Variants in SYPL1 observed in about 807,000 individuals in gnomAD.
SYPL1 encodes synaptophysin-like protein 1.
SYPL1 carries 6 observed loss-of-function variants against 23.7 expected under a neutral mutation model. The ratio of observed to expected loss-of-function variants is 0.25; its 90% CI spans 0.14 to 0.50. SYPL1 has a LOEUF of 0.50. Ranked by LOEUF, SYPL1 falls within the 20% of genes least tolerant of loss-of-function variation. The pLI is 0.98. For synonymous variants in SYPL1, 102 were observed against 104.5 expected (o/e 0.98, Z 0.15); for missense variants, 253 against 288.9 (o/e 0.88, Z 0.90).
At chr7:106,108,189 T>G (rs1045303061) in intron 1 of SYPL1, among the ~76,000 whole-genome samples, 2 of 152,046 alleles carry the variant, frequency 1.3e-5, no homozygotes, top group African/African-American at 2.4e-5. Context: ...GAGACTATAT[T>G]TTTAAAAATT....
chr7:106,093,340 A>G (rs145458914), intron 3 of SYPL1: 1 of 482,718 alleles, frequency 2.1e-6, no homozygotes, highest in African/African-American at 2.0e-5. Context: ...ACAACAGTAA[A>G]TAAGACTCAG....
At chr7:106,107,837 T>C (rs756449263) in intron 1 of SYPL1, among the ~76,000 whole-genome samples, 127 of 152,224 alleles carry the variant, frequency 8.3e-4, no homozygotes, top group South Asian at 2.7e-3. Flanking sequence ...CTCCTAATCA[T>C]TGTATGTTGA....
chr7:106,107,763 T>A (rs1275576947), intron 1 of SYPL1, among the ~76,000 whole-genome samples: 4 of 129,762 alleles, frequency 3.1e-5, no homozygotes, highest in Admixed American at 1.5e-4. Flanking sequence ...AAAAAAAAAA[T>A]TGGATTATGA....
chr7:106,092,672 C>CAAAAAA (rs549863505), intron 4 of SYPL1: 34 of 271,610 alleles, frequency 1.3e-4, no homozygotes, highest in Middle Eastern at 9.3e-4. Flanking sequence ...AACTCCATCT[C>CAAAAAA]AAAAAAAAAA....
chr7:106,090,906 T>G lies in SYPL1; in HGVS notation c.*899A>C, dbSNP rs1262998501. 6.6e-6 allele frequency: 1 copy of G among 152,192 alleles called. No homozygotes were observed. Among genetic ancestry groups the G allele is most frequent in the African/African-American group, 2.4e-5 (1 of 41,446 alleles). The allele number at this position is 152,192 out of a possible 1,614,324, so 9.4% of individuals were successfully genotyped here. ...AACTTCATTGACTCTCAATGGTAAA[T>G]TTCAAACATGGAAAGCAATCTTAAT... On this transcript the variant is annotated 3_prime_UTR_variant, in exon 5 of 5. Coordinates refer to ENST00000455385, the MANE Select transcript of SYPL1 (RefSeq NM_182715.4).
Position 106,100,697 on chromosome 7 carries a change from C to T in SYPL1, c.70-1415G>A, listed in dbSNP as rs1004947574. On this transcript the variant is annotated intron_variant, in intron 1 of 4. Transcript: ENST00000455385. This position sits in a 1 kb window ranked among gnomAD's most constrained non-coding sequence, Gnocchi z 5.1. ...ACCATCACCTTTTGCCTGAATTTTG[C>T]ACTAACAGCCTTCTAAATGATCTCT... 9.9e-5 allele frequency among the ~76,000 whole-genome samples: 15 copies of T among 152,152 alleles called. No homozygotes were observed. The highest frequency in any genetic ancestry group is 2.9e-5 in the Non-Finnish European group (2 of 68,014).
intron 1 of SYPL1, among the ~76,000 whole-genome samples, chr7:106,099,614 G>C (rs996315220): frequency 3.0e-4 from 45 of 152,036 alleles, no homozygotes; most frequent in African/African-American, 8.7e-4. Flanking sequence ...GATTGGGCTT[G>C]AACTCCTGAA....
chr7:106,105,710 CCATGCTGGG>C (rs1840557570), intron 1 of SYPL1, among the ~76,000 whole-genome samples: 1 of 151,894 alleles, frequency 6.6e-6, no homozygotes, highest in African/African-American at 2.4e-5. Context: ...CCACTGAAAC[CCATGCTGGG>C]CATGCACATC....
chr7:106,102,228 G>T (rs192897247), intron 1 of SYPL1, among the ~76,000 whole-genome samples: 1 of 152,132 alleles, frequency 6.6e-6, no homozygotes, highest in Admixed American at 6.5e-5. Context: ...GAGTAGCAGG[G>T]GTAATTACAG....
intron 1 of SYPL1, among the ~76,000 whole-genome samples, chr7:106,102,521 G>T (rs867299440): frequency 3.9e-5 from 6 of 152,266 alleles, no homozygotes; most frequent in Middle Eastern, 3.4e-3. Flanking sequence ...TGGAATTGAG[G>T]ACTGCCAGTA....
rs1372512071 is a variant in SYPL1 at position 106,097,586 on chromosome 7, T to C, written c.402+104A>G. ...CTCGTGGCAAACACAGGCTAAAATATGCTGAACTGGCTTACACCAAGAATT... is the reference window on the plus strand; with the variant it reads ...CTCGTGGCAAACACAGGCTAAAATACGCTGAACTGGCTTACACCAAGAATT... On this transcript the variant is annotated intron_variant, in intron 3 of 4. Coordinates refer to ENST00000455385, the MANE Select transcript of SYPL1 (RefSeq NM_182715.4). This position sits in a 1 kb window ranked among gnomAD's most constrained non-coding sequence, Gnocchi z 4.6. The C allele has an allele frequency of 2.8e-6, 3 of 1,063,546 alleles. No homozygotes were observed. The highest frequency in any genetic ancestry group is 2.9e-5 in the Admixed American group (1 of 34,628). The allele number at this position is 1,063,546 out of a possible 1,614,324, so 65.9% of individuals were successfully genotyped here. A position where few individuals can be genotyped will look rare whatever the true frequency, so the allele number is the denominator to read the frequency against.
intron 3 of SYPL1, among the ~76,000 whole-genome samples, chr7:106,094,224 C>T (rs1839902320): frequency 6.6e-6 from 1 of 152,090 alleles, no homozygotes; most frequent in South Asian, 2.1e-4. Context: ...TGCCAGCCAC[C>T]TTTTAGTCAT....
At chr7:106,107,218 T>A (rs192279640) in intron 1 of SYPL1, among the ~76,000 whole-genome samples, 1 of 152,310 alleles carries the variant, frequency 6.6e-6, no homozygotes, top group Admixed American at 6.5e-5. Flanking sequence ...ATCAAAAGAT[T>A]AGATGCCTAG....
At chr7:106,108,375 T>G (rs1319309837) in intron 1 of SYPL1, among the ~76,000 whole-genome samples, 4 of 152,208 alleles carry the variant, frequency 2.6e-5, no homozygotes, top group African/African-American at 7.2e-5. Context: ...ATTTGAATTT[T>G]TAAGTAAAAA....
chr7:106,103,857 C>A (rs1308071616), intron 1 of SYPL1, among the ~76,000 whole-genome samples: 1 of 152,142 alleles, frequency 6.6e-6, no homozygotes, highest in African/African-American at 2.4e-5. Context: ...CTGATCATGT[C>A]CTTCCCATTT....
In SYPL1 at chr7:106,097,490, GAAAT is replaced by G. The variant is rs1840073412; in HGVS notation, c.402+196_402+199del. Among the ~76,000 whole-genome samples, 1 of 152,006 alleles carries G rather than the reference GAAAT, an allele frequency of 6.6e-6. No individual in the cohort carries two copies. The highest frequency in any genetic ancestry group is 1.5e-5 in the Non-Finnish European group (1 of 67,990). On this transcript the variant is annotated intron_variant, in intron 3 of 4. Transcript: ENST00000455385. This position sits in a 1 kb window ranked among gnomAD's most constrained non-coding sequence, Gnocchi z 4.6. ...TCCAAGTTAAAATAGATTTAAAAAA[GAAAT>G]AAACTTTCCTTATAGTGCAAATAGG...
chr7:106,093,080 C>T lies in SYPL1; in HGVS notation c.460G>A (p.Ala154Thr), dbSNP rs1311244404. The T allele has an allele frequency of 6.2e-7, 1 of 1,613,338 alleles. No homozygotes were observed. Among genetic ancestry groups the T allele is most frequent in the Non-Finnish European group, 8.5e-7 (1 of 1,179,722 alleles). Residue 154 changes from alanine to threonine, a missense_variant, in exon 4 of 5, where the codon GCT (alanine) becomes ACT (threonine). Transcript: ENST00000455385. ...FLWLVSTSAW[A>T]KALTDIKIAT... ...ATTTTAATATCTGTCAGAGCTTTAG[C>T]CCAGGCTGAAGTGCTCACCAACCAC... is the stretch of plus-strand genomic sequence containing the variant.
At chr7:106,093,933 T>C (rs1839889357) in intron 3 of SYPL1, among the ~76,000 whole-genome samples, 1 of 152,228 alleles carries the variant, frequency 6.6e-6, no homozygotes, top group African/African-American at 2.4e-5. Flanking sequence ...AAGAATGGGA[T>C]GGTTTTAATA....
Position 106,112,261 on chromosome 7 carries a change from C to T in SYPL1, c.-53G>A, listed in dbSNP as rs1167902664. The T allele has an allele frequency of 1.3e-6, 2 of 1,506,688 alleles. No homozygotes were observed. Among genetic ancestry groups the T allele is most frequent in the East Asian group, 2.7e-5 (1 of 37,274 alleles). 93.3% of individuals were successfully genotyped at this position (1,506,688 alleles called of 1,614,324 possible). ...CAGGACGACGGGGCGGAGGAGGGGA[C>T]CGACGAGACCAGAGCAGCCCGGTGG... On this transcript the variant is annotated 5_prime_UTR_variant, in exon 1 of 5. Coordinates refer to ENST00000455385, the MANE Select transcript of SYPL1 (RefSeq NM_182715.4).
Sources: allele counts gnomAD v4.1 joint callset (sites outside exome capture counted in the v4.1 genomes callset), GRCh38; gene constraint gnomAD v4.1.1; non-coding constraint Gnocchi (gnomAD v3.1); transcripts MANE v1.5; gene names NCBI Gene and HGNC (gene_info 2026-07-23, HGNC 2026-07-21).